The following PRICKLE2 variants were observed in gnomAD, a reference collection of about 807,000 sequenced individuals.
PRICKLE2 encodes the protein prickle-like protein 2.
In PRICKLE2, 21 loss-of-function variants were observed where a neutral mutation model predicts 81.4. The observed-to-expected ratio is 0.26, with a 90% CI of 0.18 to 0.37. PRICKLE2 has a LOEUF of 0.37. Ranked by LOEUF, PRICKLE2 falls within the 10% of genes least tolerant of loss-of-function variation. PRICKLE2 has a pLI of 1.00. For synonymous variants in PRICKLE2, 456 were observed against 421.5 expected, an observed-to-expected ratio of 1.08 and a Z score of -1.00; for missense variants, 940 against 1,109.0, an observed-to-expected ratio of 0.85 and a Z score of 2.16.
chr3:64,157,142 C>G lies in PRICKLE2; in HGVS notation c.600+20G>C, dbSNP rs1486576828. On this transcript the variant is annotated intron_variant, in intron 5 of 7. Transcript: ENST00000638394. ...ATGAAGGGGTGATGGGCAGGTAAAC[C>G]TGCTGGAGTTTGCTCTAACCTCATC... is the stretch of plus-strand genomic sequence containing the variant. 6.2e-7 allele frequency: 1 copy of G among 1,612,150 alleles called. No individual in the cohort carries two copies. The highest frequency in any genetic ancestry group is 8.5e-7 in the Non-Finnish European group (1 of 1,178,394).
At chr3:64,156,263 T>C (rs1249898075) in intron 5 of PRICKLE2, among the ~76,000 whole-genome samples, 1 of 152,132 alleles carries the variant, frequency 6.6e-6, no homozygotes, top group East Asian at 1.9e-4. Flanking sequence ...CTGATCAGCT[T>C]CCTCCTAGAA....
chr3:64,150,953 C>T (rs535814419), intron 6 of PRICKLE2, among the ~76,000 whole-genome samples: 21 of 152,288 alleles, frequency 1.4e-4, no homozygotes, highest in South Asian at 4.1e-4. Context: ...CTCTGCTGTT[C>T]GACATCTAAG....
At chr3:64,195,347 G>T (rs979845656) in intron 2 of PRICKLE2, among the ~76,000 whole-genome samples, 3 of 152,160 alleles carry the variant, frequency 2.0e-5, no homozygotes, top group Non-Finnish European at 4.4e-5. Flanking sequence ...TAAAAGGGAG[G>T]GGACTTTCGT....
Position 64,099,505 on chromosome 3 carries a change from C to G in PRICKLE2, c.2081G>C (p.Arg694Pro), listed in dbSNP as rs972558675. Residue 694 changes from arginine to proline, a missense_variant, in exon 8 of 8, where the codon CGC (arginine) becomes CCC (proline). Arg to Pro is a moderately radical substitution (Grantham distance 103). Around this residue, in one of 2 missense-constraint regions of PRICKLE2, gnomAD observed 670 missense variants for 717.2 expected, o/e 0.93. Coordinates refer to ENST00000638394, the MANE Select transcript of PRICKLE2 (RefSeq NM_198859.4). This position sits in a 1 kb window ranked among gnomAD's most constrained non-coding sequence, Gnocchi z 4.3. Reference sequence around the variant, plus strand: ...GGCCAGGTGGAGGGCGTTGTCGGAGCGAGAGCGTCGGGAACGCCTGGACCT... The same window carrying G: ...GGCCAGGTGGAGGGCGTTGTCGGAGGGAGAGCGTCGGGAACGCCTGGACCT... ...PHRSRRSRRS[R>P]SDNALHLASE... 6.3e-7 allele frequency: 1 copy of G among 1,597,860 alleles called. No individual in the cohort carries two copies. Among genetic ancestry groups the G allele is most frequent in the Non-Finnish European group, 8.6e-7 (1 of 1,168,122 alleles).
chr3:64,214,181 G>A (rs148915718), intron 1 of PRICKLE2, among the ~76,000 whole-genome samples: 46 of 152,266 alleles, frequency 3.0e-4, no homozygotes, highest in Middle Eastern at 3.4e-3. Flanking sequence ...TTCTGGCAAT[G>A]GTCACACCCT....
intron 1 of PRICKLE2, among the ~76,000 whole-genome samples, chr3:64,219,707 T>G (rs1164592118): frequency 6.6e-6 from 1 of 152,200 alleles, no homozygotes; most frequent in Non-Finnish European, 1.5e-5. Context: ...AATGAGGGAT[T>G]CATAAAGGAG....
intron 7 of PRICKLE2, among the ~76,000 whole-genome samples, chr3:64,108,036 A>G (rs917711351): frequency 5.9e-5 from 9 of 152,266 alleles, no homozygotes; most frequent in African/African-American, 2.2e-4. Context: ...GCAATGGGCC[A>G]AATCCAGCTT....
intron 1 of PRICKLE2, among the ~76,000 whole-genome samples, chr3:64,214,717 A>G (rs1215140268): frequency 6.6e-6 from 1 of 152,126 alleles, no homozygotes; most frequent in African/African-American, 2.4e-5. Flanking sequence ...GGTTTTGAAA[A>G]TATTAAAAAA....
At chr3:64,185,911 T>A (rs1575635032) in intron 2 of PRICKLE2, among the ~76,000 whole-genome samples, 2 of 152,362 alleles carry the variant, frequency 1.3e-5, no homozygotes, top group Middle Eastern at 6.8e-3. Flanking sequence ...AGAACTCTTG[T>A]CAATCCTTTT....
intron 2 of PRICKLE2, among the ~76,000 whole-genome samples, chr3:64,169,628 A>G (rs2077896336): frequency 6.6e-6 from 1 of 152,112 alleles, no homozygotes; most frequent in Non-Finnish European, 1.5e-5. Context: ...AGTTTAAGGA[A>G]AAGGCAAACA....
At chr3:64,266,701 G>T (rs1421481380) in intron 2 of PRICKLE2, among the ~76,000 whole-genome samples, 1 of 152,158 alleles carries the variant, frequency 6.6e-6, no homozygotes, top group Non-Finnish European at 1.5e-5. Flanking sequence ...ACAGGGCCAT[G>T]TCCATGTCTC....
intron 1 of PRICKLE2, among the ~76,000 whole-genome samples, chr3:64,208,871 A>C (rs10510915): frequency 0.3 from 45,909 of 152,038 alleles, 7,182 homozygotes; most frequent in Non-Finnish European, 0.35. Context: ...TACAGTGTCA[A>C]AATATTCCTT....
chr3:64,247,322 GT>G (rs969993260), intron 2 of PRICKLE2, among the ~76,000 whole-genome samples: 159 of 151,614 alleles, frequency 1.0e-3, no homozygotes, highest in African/African-American at 3.4e-3. Flanking sequence ...ATATCAGTGA[GT>G]TTTTTTTTAA....
chr3:64,126,835 C>G (rs2077115065), intron 7 of PRICKLE2, among the ~76,000 whole-genome samples: 1 of 152,030 alleles, frequency 6.6e-6, no homozygotes, highest in Non-Finnish European at 1.5e-5. Context: ...CTCGGCCTCC[C>G]AAAGTGCTGA....
intron 2 of PRICKLE2, among the ~76,000 whole-genome samples, chr3:64,240,535 G>A (rs2079248690): frequency 6.6e-6 from 1 of 152,144 alleles, no homozygotes; most frequent in African/African-American, 2.4e-5. Context: ...GTCCCTGTGT[G>A]GGCTATGAAA....
In PRICKLE2 at chr3:64,099,189, C is replaced by A. The variant is rs772835164; in HGVS notation, c.2397G>T (p.Ala799=). The change falls in exon 8 of 8, where the codon GCG becomes GCT. Residue 799 remains alanine, a synonymous_variant. Transcript: ENST00000638394. The surrounding 1 kb of genome is among the most constrained non-coding windows in gnomAD (Gnocchi z 4.3). ...CATCGCTTGTGACGTATCGCAGGCG[C>A]GCTGGCTGGGGGATGGGTTCTCCTA... is the stretch of plus-strand genomic sequence containing the variant. The part of the protein sequence containing the change: ...YFLGEPIPQP[A]RLRYVTSDEL... 1.2e-6 allele frequency: 2 copies of A among 1,614,210 alleles called. No homozygotes were observed. The highest frequency in any genetic ancestry group is 1.6e-4 in the Middle Eastern group (1 of 6,062).
intron 7 of PRICKLE2, among the ~76,000 whole-genome samples, chr3:64,113,366 T>G (rs749827311): frequency 2.0e-5 from 3 of 152,160 alleles, no homozygotes; most frequent in Non-Finnish European, 2.9e-5. Context: ...GTGCACCCCT[T>G]AGTCTGTTGG....
intron 7 of PRICKLE2, among the ~76,000 whole-genome samples, chr3:64,140,915 A>G (rs924573133): frequency 6.6e-6 from 1 of 152,162 alleles, no homozygotes; most frequent in African/African-American, 2.4e-5. Flanking sequence ...AAGTCTTCTG[A>G]CTGTGATTAT....
upstream of PRICKLE2, among the ~76,000 whole-genome samples, chr3:64,227,568 C>A (rs2079047326): frequency 6.6e-6 from 1 of 152,194 alleles, no homozygotes; most frequent in Non-Finnish European, 1.5e-5. Context: ...TCACTACCAA[C>A]TTCATAAGAA....
Sources: allele counts gnomAD v4.1 joint callset (sites outside exome capture counted in the v4.1 genomes callset), GRCh38; gene constraint gnomAD v4.1.1; regional missense constraint gnomAD v4.1.1; non-coding constraint Gnocchi (gnomAD v3.1); transcripts MANE v1.5; gene names NCBI Gene and HGNC (gene_info 2026-07-23, HGNC 2026-07-21).